The following RBMS3 variants were observed in gnomAD, a reference collection of about 807,000 sequenced individuals.
RBMS3 encodes the protein RNA-binding motif, single-stranded-interacting protein 3.
Under a neutral mutation model 66.8 loss-of-function variants are expected in RBMS3, and 27 were observed. The observed-to-expected ratio is 0.40, with a 90% CI of 0.30 to 0.56. The LOEUF is 0.56. Ranked by LOEUF, RBMS3 falls within the 20% of genes least tolerant of loss-of-function variation. The pLI, the probability that RBMS3 is intolerant of heterozygous loss-of-function variation, is 0.40. For synonymous variants in RBMS3, 188 were observed against 183.0 expected, an observed-to-expected ratio of 1.03 and a Z score of -0.22; for missense variants, 513 against 549.5, an observed-to-expected ratio of 0.93 and a Z score of 0.66.
intron 4 of RBMS3, among the ~76,000 whole-genome samples, chr3:29,641,787 G>T (rs528125360): frequency 6.6e-6 from 1 of 152,158 alleles, no homozygotes; most frequent in Non-Finnish European, 1.5e-5. Flanking sequence ...ACACTGCACA[G>T]GGTGAGAGAT....
At chr3:29,387,501 A>G (rs1187911636) in intron 1 of RBMS3, among the ~76,000 whole-genome samples, 1 of 152,212 alleles carries the variant, frequency 6.6e-6, no homozygotes, top group African/African-American at 2.4e-5. Flanking sequence ...CCAGACCTAC[A>G]TAATTGCCTG....
chr3:29,835,593 A>G (rs1239799426), intron 6 of RBMS3, among the ~76,000 whole-genome samples: 1 of 151,972 alleles, frequency 6.6e-6, no homozygotes, highest in East Asian at 1.9e-4. Flanking sequence ...AAATGGAAAC[A>G]CAACATACAA....
chr3:29,912,362 C>A (rs1041732703), intron 10 of RBMS3, among the ~76,000 whole-genome samples: 7 of 152,026 alleles, frequency 4.6e-5, no homozygotes, highest in Non-Finnish European at 5.9e-5. Context: ...TAAAGACGTG[C>A]ATCTTCTCTG....
intron 1 of RBMS3, among the ~76,000 whole-genome samples, chr3:29,361,512 G>A (rs896583345): frequency 6.6e-6 from 1 of 152,242 alleles, no homozygotes; most frequent in African/African-American, 2.4e-5. Flanking sequence ...TGGCGAATCT[G>A]ACAATTATGT....
intron 12 of RBMS3, among the ~76,000 whole-genome samples, chr3:29,963,920 C>A (rs570456891): frequency 6.6e-6 from 1 of 151,674 alleles, no homozygotes; most frequent in Non-Finnish European, 1.5e-5. Context: ...AAAAGTAACT[C>A]ACACCTCCAA....
intron 10 of RBMS3, among the ~76,000 whole-genome samples, chr3:29,922,419 G>T (rs575241816): frequency 7.9e-4 from 119 of 151,156 alleles, no homozygotes; most frequent in African/African-American, 2.7e-3. Context: ...CCCGGGAAGC[G>T]GAGCTTTCAG....
chr3:29,605,665 T>C (rs1451923822), intron 4 of RBMS3, among the ~76,000 whole-genome samples: 2 of 151,944 alleles, frequency 1.3e-5, no homozygotes, highest in East Asian at 3.9e-4. Flanking sequence ...TAAAAATGAA[T>C]TTCAGTTATG....
intron 12 of RBMS3, among the ~76,000 whole-genome samples, chr3:29,959,188 A>C (rs1696243507): frequency 1.3e-5 from 2 of 152,218 alleles, no homozygotes; most frequent in South Asian, 4.1e-4. Flanking sequence ...AAAGAAGATA[A>C]TGACAATACT....
intron 4 of RBMS3, among the ~76,000 whole-genome samples, chr3:29,738,772 A>G (rs2054490403): frequency 6.6e-6 from 1 of 152,166 alleles, no homozygotes; most frequent in African/African-American, 2.4e-5. Flanking sequence ...ATAAGTTCCC[A>G]GGTGAGGCTA....
At chr3:29,671,208 C>T (rs779099990) in intron 4 of RBMS3, among the ~76,000 whole-genome samples, 5 of 152,180 alleles carry the variant, frequency 3.3e-5, no homozygotes, top group African/African-American at 9.7e-5. Context: ...AGAAGGAAAA[C>T]TAACAAACAG....
intron 1 of RBMS3, among the ~76,000 whole-genome samples, chr3:29,390,323 A>C (rs114838268): frequency 0.011 from 1,684 of 152,304 alleles, 12 homozygotes; most frequent in Non-Finnish European, 0.019. Context: ...TGGTTTTGAC[A>C]CTGTATTTAC....
chr3:29,527,696 T>TTA (rs1220582406), intron 3 of RBMS3, among the ~76,000 whole-genome samples: 2 of 152,180 alleles, frequency 1.3e-5, no homozygotes, highest in African/African-American at 4.8e-5. Flanking sequence ...TGATTTATAA[T>TTA]TAGACTTTTC....
intron 4 of RBMS3, among the ~76,000 whole-genome samples, chr3:29,659,397 C>G (rs1386957607): frequency 6.6e-6 from 1 of 152,064 alleles, no homozygotes; most frequent in South Asian, 2.1e-4. Context: ...TTCCCCCATT[C>G]CCCAGTCACT....
At chr3:29,569,102 A>T (rs2046846265) in intron 3 of RBMS3, among the ~76,000 whole-genome samples, 1 of 152,166 alleles carries the variant, frequency 6.6e-6, no homozygotes, top group African/African-American at 2.4e-5. Flanking sequence ...TCTGAGCAGC[A>T]AAGTAGAAAA....
chr3:29,713,227 C>A (rs986715442), intron 4 of RBMS3, among the ~76,000 whole-genome samples: 2 of 151,936 alleles, frequency 1.3e-5, no homozygotes, highest in African/African-American at 2.4e-5. Flanking sequence ...ATGATCACTT[C>A]CATACTTTCG....
chr3:29,578,594 A>T (rs3821574), intron 3 of RBMS3, among the ~76,000 whole-genome samples: 1 of 150,700 alleles, frequency 6.6e-6, no homozygotes, highest in African/African-American at 2.4e-5. Flanking sequence ...GAAGTGCACA[A>T]TTGTAGTTAG....
intron 6 of RBMS3, among the ~76,000 whole-genome samples, chr3:29,846,646 G>A (rs578255691): frequency 6.6e-6 from 1 of 152,196 alleles, no homozygotes; most frequent in African/African-American, 2.4e-5. Flanking sequence ...GTGCTCTGCT[G>A]CAAGAAAGTT....
chr3:29,417,112 G>T (rs961516535), intron 1 of RBMS3, among the ~76,000 whole-genome samples: 8 of 151,964 alleles, frequency 5.3e-5, no homozygotes, highest in Non-Finnish European at 7.4e-5. Flanking sequence ...AAGGAGAGGG[G>T]ATTATTTCTG....
At chr3:29,702,840 A>C (rs1414297630) in intron 4 of RBMS3, among the ~76,000 whole-genome samples, 1 of 152,152 alleles carries the variant, frequency 6.6e-6, no homozygotes, top group Admixed American at 6.5e-5. Context: ...CTCTGGACAC[A>C]CCACCTTTAA....
Sources: allele counts gnomAD v4.1 joint callset (sites outside exome capture counted in the v4.1 genomes callset), GRCh38; gene constraint gnomAD v4.1.1; transcripts MANE v1.5; gene names NCBI Gene and HGNC (gene_info 2026-07-23, HGNC 2026-07-21).